The following CDH2 variants were observed in gnomAD, a reference collection of about 807,000 sequenced individuals.
CDH2 encodes cadherin 2, also known as cadherin-2.
CDH2 carries 17 observed loss-of-function variants against 92.0 expected under a neutral mutation model. The ratio of observed to expected loss-of-function variants is 0.18; its 90% CI spans 0.13 to 0.28. The LOEUF is 0.28. Among genes scored for constraint, CDH2 ranks in the 10% least tolerant of loss-of-function variants. CDH2 has a pLI of 1.00. For missense variants in CDH2, 862 were observed against 1,133.1 expected (o/e 0.76, Z 3.44); for synonymous variants, 419 against 415.9 (o/e 1.01, Z -0.09).
At chr18:27,968,602 A>G (rs1471519021) in intron 14 of CDH2, among the ~76,000 whole-genome samples, 1 of 152,210 alleles carries the variant, frequency 6.6e-6, no homozygotes, top group Non-Finnish European at 1.5e-5. Context: ...TGGACACTTA[A>G]AGTTCACGGG....
At chr18:28,042,351 T>A (rs147742346) in intron 2 of CDH2, among the ~76,000 whole-genome samples, 1 of 152,196 alleles carries the variant, frequency 6.6e-6, no homozygotes, top group Admixed American at 6.5e-5. Context: ...CTGACTCAGA[T>A]GACATTTAAG....
At chr18:28,144,146 C>T (rs2015998189) in intron 2 of CDH2, among the ~76,000 whole-genome samples, 1 of 151,132 alleles carries the variant, frequency 6.6e-6, no homozygotes, top group Non-Finnish European at 1.5e-5. Context: ...CACATGTGTC[C>T]CAGAACTTAA....
intron 14 of CDH2, among the ~76,000 whole-genome samples, chr18:27,967,270 C>T (rs2011553881): frequency 1.3e-5 from 2 of 152,162 alleles, no homozygotes. Context: ...ACAGGGTGGG[C>T]TCTTCTGTTG....
intron 15 of CDH2, among the ~76,000 whole-genome samples, chr18:27,955,542 G>T (rs1004833605): frequency 9.2e-5 from 14 of 151,900 alleles, no homozygotes; most frequent in African/African-American, 3.4e-4. Context: ...ACACAAGAAG[G>T]GGTCTGGTCT....
chr18:28,110,035 A>T (rs2015385274), intron 2 of CDH2, among the ~76,000 whole-genome samples: 1 of 152,194 alleles, frequency 6.6e-6, no homozygotes, highest in Non-Finnish European at 1.5e-5. Flanking sequence ...ACAAGGCCAT[A>T]TGGTGTCCTT....
chr18:28,092,055 G>A (rs1002553926), intron 2 of CDH2, among the ~76,000 whole-genome samples: 2 of 151,872 alleles, frequency 1.3e-5, no homozygotes, highest in African/African-American at 4.8e-5. Context: ...CTGGAGTAGG[G>A]CCCACCTGAT....
intron 2 of CDH2, among the ~76,000 whole-genome samples, chr18:28,015,552 A>G (rs1259832003): frequency 6.6e-6 from 1 of 152,218 alleles, no homozygotes; most frequent in Non-Finnish European, 1.5e-5. Flanking sequence ...CTGATAAATC[A>G]AAACGAGACT....
At position 28,121,590 on chromosome 18, in the gene CDH2, C is replaced by G. The variant is rs530509882; in HGVS notation, c.172+26083G>C. 7.9e-5 allele frequency among the ~76,000 whole-genome samples: 12 copies of G among 152,242 alleles called. 1 individual carries two copies. The highest frequency in any genetic ancestry group is 2.4e-4 in the African/African-American group (10 of 41,562). ...AGACCCAATCTCCAGCTCTGGATGT[C>G]CTCCCTGTAGCTACCTTTCCAACAA... On this transcript the variant is annotated intron_variant, in intron 2 of 15. Transcript: ENST00000269141.
intron 2 of CDH2, among the ~76,000 whole-genome samples, chr18:28,053,141 T>C (rs748046901): frequency 6.6e-6 from 1 of 152,108 alleles, no homozygotes; most frequent in Non-Finnish European, 1.5e-5. Context: ...CCTTTAGAAC[T>C]ATGAGAAATA....
At chr18:28,032,216 TA>T (rs2144086307) in intron 2 of CDH2, among the ~76,000 whole-genome samples, 1 of 152,198 alleles carries the variant, frequency 6.6e-6, no homozygotes, top group Admixed American at 6.6e-5. Context: ...AGCTTCTCAG[TA>T]ATAATATACA....
chr18:28,029,977 T>A (rs181078100), intron 2 of CDH2, among the ~76,000 whole-genome samples: 2 of 152,270 alleles, frequency 1.3e-5, no homozygotes. Flanking sequence ...CAGGCAAGCA[T>A]CCTGTGCACG....
At chr18:27,963,764 CA>C in intron 14 of CDH2, 1 of 456,766 alleles carries the variant, frequency 2.2e-6, no homozygotes. Context: ...CATCAGTTTC[CA>C]ATGAAAAACA....
At chr18:27,985,325 T>G (rs535177875) in intron 12 of CDH2, 92 bp from the exon 13 acceptor site, 2 of 825,856 alleles carry the variant, frequency 2.4e-6, no homozygotes, top group Non-Finnish European at 3.9e-6. Context: ...TACTACCTAA[T>G]AGTACACATA....
chr18:28,008,997 T>TA (rs1208124080), intron 5 of CDH2, among the ~76,000 whole-genome samples: 4 of 152,142 alleles, frequency 2.6e-5, no homozygotes, highest in Non-Finnish European at 5.9e-5. Context: ...CTGCAGAGGT[T>TA]AAAAATTCAA....
chr18:27,935,579 G>T (rs1350081731), intron 6 of CDH2, among the ~76,000 whole-genome samples: 1 of 152,192 alleles, frequency 6.6e-6, no homozygotes, highest in Admixed American at 6.5e-5. Flanking sequence ...GATGAAGTCA[G>T]ATATTCATTT....
At chr18:27,946,476 T>G (rs1476378828), downstream of CDH2, among the ~76,000 whole-genome samples, 4 of 152,102 alleles carry the variant, frequency 2.6e-5, no homozygotes, top group African/African-American at 9.7e-5. Flanking sequence ...AAATGTAAAT[T>G]GTGAAACATG....
chr18:28,166,711 C>G (rs1181976615), intron 1 of CDH2, among the ~76,000 whole-genome samples: 1 of 152,026 alleles, frequency 6.6e-6, no homozygotes. Flanking sequence ...AAATTAAATC[C>G]ACAAGTGTAA....
chr18:28,006,253 T>C (rs2012914352), intron 5 of CDH2, among the ~76,000 whole-genome samples: 1 of 151,990 alleles, frequency 6.6e-6, no homozygotes, highest in Non-Finnish European at 1.5e-5. Context: ...TACAAAAGAG[T>C]GAGGCAGAAA....
chr18:28,172,586 T>C (rs1185054108), intron 1 of CDH2, among the ~76,000 whole-genome samples: 2 of 152,198 alleles, frequency 1.3e-5, no homozygotes, highest in African/African-American at 2.4e-5. Flanking sequence ...TTAAAACTCT[T>C]AACTTGAAAA....
Sources: gnomAD v4.1 joint callset for allele counts (sites outside exome capture counted in the v4.1 genomes callset) on GRCh38, gnomAD v4.1.1 for gene constraint, MANE v1.5 for transcripts, NCBI Gene and HGNC (gene_info 2026-07-23, HGNC 2026-07-21) for gene names.